The following TRDN variants were observed in gnomAD, a reference collection of about 807,000 sequenced individuals.
The protein encoded by TRDN is triadin.
In TRDN, 161 loss-of-function variants were observed where a neutral mutation model predicts 149.7. That is an observed-to-expected ratio of 1.08 (90% CI 0.95 to 1.23). The LOEUF is 1.23. TRDN is among the 50% of genes most tolerant of loss of function. The probability of loss-of-function intolerance (pLI) is 0.00; values close to 1 mark genes in which losing one functional copy is unlikely to be tolerated. For synonymous variants in TRDN, 294 were observed against 250.5 expected, an observed-to-expected ratio of 1.17 and a Z score of -1.64; for missense variants, 896 against 823.5, an observed-to-expected ratio of 1.09 and a Z score of -1.08.
chr6:123,367,230 C>T (rs537316092), intron 19 of TRDN, among the ~76,000 whole-genome samples: 123 of 152,100 alleles, frequency 8.1e-4, no homozygotes, highest in African/African-American at 2.6e-3. Context: ...ATAATAAGCT[C>T]GTGAATTTTC....
chr6:123,304,667 AC>A (rs1419972282), intron 24 of TRDN, among the ~76,000 whole-genome samples: 1 of 152,110 alleles, frequency 6.6e-6, no homozygotes, highest in Non-Finnish European at 1.5e-5. Flanking sequence ...AGATTGTCTG[AC>A]AAAAAACTGT....
chr6:123,282,844 G>A (rs1777633012), intron 24 of TRDN, among the ~76,000 whole-genome samples: 1 of 151,808 alleles, frequency 6.6e-6, no homozygotes. Context: ...ATTTGTAAGT[G>A]TAATATTATT....
intron 19 of TRDN, among the ~76,000 whole-genome samples, chr6:123,368,426 A>G (rs553888698): frequency 2.0e-5 from 3 of 152,196 alleles, no homozygotes; most frequent in Non-Finnish European, 4.4e-5. Flanking sequence ...GCACCTTAGA[A>G]TAAGCTGGGG....
At chr6:123,385,490 A>T (rs1382978966) in intron 14 of TRDN, among the ~76,000 whole-genome samples, 6 of 152,014 alleles carry the variant, frequency 3.9e-5, no homozygotes, top group Admixed American at 3.9e-4. Context: ...GGGAAAAGTT[A>T]ATTTTCTGAT....
intron 12 of TRDN, among the ~76,000 whole-genome samples, chr6:123,436,509 C>T (rs1774569302): frequency 6.6e-6 from 1 of 151,968 alleles, no homozygotes; most frequent in South Asian, 2.1e-4. Context: ...AGCATGATGC[C>T]AGATATTTCT....
chr6:123,376,803 T>A (rs1781526341), intron 18 of TRDN, among the ~76,000 whole-genome samples: 1 of 151,974 alleles, frequency 6.6e-6, no homozygotes, highest in African/African-American at 2.4e-5. Context: ...TTAAATAAGA[T>A]TGAGCAGATG....
intron 9 of TRDN, among the ~76,000 whole-genome samples, chr6:123,467,073 T>G (rs1371109817): frequency 1.3e-5 from 2 of 152,112 alleles, no homozygotes; most frequent in East Asian, 3.9e-4. Context: ...GCATACTTAT[T>G]ATATACCAGC....
chr6:123,565,387 C>T (rs1421979523), intron 2 of TRDN, among the ~76,000 whole-genome samples: 1 of 152,096 alleles, frequency 6.6e-6, no homozygotes, highest in Non-Finnish European at 1.5e-5. Flanking sequence ...GATAACAGAG[C>T]GATCATACAC....
chr6:123,330,062 A>G (rs1230176122), intron 23 of TRDN, among the ~76,000 whole-genome samples: 1 of 152,094 alleles, frequency 6.6e-6, no homozygotes, highest in Non-Finnish European at 1.5e-5. Flanking sequence ...TTATGGAAAG[A>G]AGATACTTGG....
intron 21 of TRDN, chr6:123,351,123 T>G: frequency 2.2e-5 from 22 of 984,946 alleles, no homozygotes; most frequent in Non-Finnish European, 2.7e-5. Context: ...AATCAGCACT[T>G]TTATACTAGA....
At chr6:123,290,309 AGT>A (rs1406017828) in intron 24 of TRDN, among the ~76,000 whole-genome samples, 6 of 151,846 alleles carry the variant, frequency 4.0e-5, no homozygotes, top group Non-Finnish European at 7.4e-5. Flanking sequence ...CATTTTATCT[AGT>A]GTGTTTCTTT....
intron 2 of TRDN, among the ~76,000 whole-genome samples, chr6:123,555,401 C>A (rs59335162): frequency 0.032 from 4,866 of 152,190 alleles, 107 homozygotes; most frequent in African/African-American, 0.066. Context: ...GGAAGTCAAG[C>A]ATTCAAAAAA....
At chr6:123,601,747 C>T (rs1029063640) in intron 1 of TRDN, among the ~76,000 whole-genome samples, 1 of 152,092 alleles carries the variant, frequency 6.6e-6, no homozygotes, top group Non-Finnish European at 1.5e-5. Flanking sequence ...TGGCAGGTAA[C>T]AAAAGACCAC....
At chr6:123,252,316 C>T in intron 38 of TRDN, 96 bp downstream of exon 38, 4 of 751,826 alleles carry the variant, frequency 5.3e-6, no homozygotes, top group Non-Finnish European at 8.4e-6. Context: ...ATAAACTATA[C>T]TGAACACTTC....
In TRDN at chr6:123,466,701, G is replaced by A. The variant is rs1419564213; in HGVS notation, c.854-1718C>T. 2.0e-5 allele frequency among the ~76,000 whole-genome samples: 3 copies of A among 152,036 alleles called. No individual in the cohort carries two copies. The East Asian group carries it at 5.8e-4, about 29-fold the overall frequency. On this transcript the variant is annotated intron_variant, in intron 9 of 40. Transcript: ENST00000334268. Reference sequence around the variant, plus strand: ...CTTGAAAAAATAATTTTAAGGTACGGTGGTATTTTGTAGCTTTGAAAATAA... The same window carrying A: ...CTTGAAAAAATAATTTTAAGGTACGATGGTATTTTGTAGCTTTGAAAATAA...
intron 38 of TRDN, among the ~76,000 whole-genome samples, chr6:123,250,653 C>G (rs1776342057): frequency 6.6e-6 from 1 of 151,978 alleles, no homozygotes; most frequent in Non-Finnish European, 1.5e-5. Context: ...ATATGGATCA[C>G]AGAAATGATA....
chr6:123,452,433 A>T (rs1775831866), intron 10 of TRDN, among the ~76,000 whole-genome samples: 1 of 152,118 alleles, frequency 6.6e-6, no homozygotes, highest in South Asian at 2.1e-4. Context: ...ACATATCAGC[A>T]GTTCTTCTAT....
At position 123,425,886 on chromosome 6, in the gene TRDN, C is replaced by CATCTATCT. The variant is rs373811839; in HGVS notation, c.1051+12169_1051+12176dup. Among the ~76,000 whole-genome samples the CATCTATCT allele has an allele frequency of 1.0e-3, 152 of 151,984 alleles. 2 individuals carry two copies. In the South Asian group the frequency reaches 0.02, roughly 20 times the overall value. On this transcript the variant is annotated intron_variant, in intron 12 of 40. Transcript: ENST00000334268. Reference sequence around the variant, plus strand: ...ATAATATACATATCTATCTATCTATCATCTATCTATCTATCTATCTATCAT... The same window carrying CATCTATCT: ...ATAATATACATATCTATCTATCTATCATCTATCTATCTATCTATCTATCTATCTATCAT...
intron 21 of TRDN, among the ~76,000 whole-genome samples, chr6:123,340,022 A>G (rs572783794): frequency 2.6e-5 from 4 of 152,290 alleles, no homozygotes; most frequent in African/African-American, 9.6e-5. Flanking sequence ...TGCATCCAGG[A>G]ATTTTCCAGT....
Sources: gnomAD v4.1 joint callset for allele counts (sites outside exome capture counted in the v4.1 genomes callset) on GRCh38, gnomAD v4.1.1 for gene constraint, MANE v1.5 for transcripts, NCBI Gene and HGNC (gene_info 2026-07-23, HGNC 2026-07-21) for gene names.